Variants in IGFN1 observed in about 807,000 individuals in gnomAD.
IGFN1 encodes the protein immunoglobulin like and fibronectin type III domain containing 1, also known as immunoglobulin-like and fibronectin type III domain-containing protein 1.
In IGFN1, 253 loss-of-function variants were observed where a neutral mutation model predicts 289.5. The ratio of observed to expected loss-of-function variants is 0.87; its 90% CI spans 0.79 to 0.97. The LOEUF (loss-of-function observed/expected upper bound fraction) is 0.97. Ranked by LOEUF, IGFN1 falls within the 50% of genes least tolerant of loss-of-function variation. The probability of loss-of-function intolerance (pLI) is 0.00; values close to 1 mark genes in which losing one functional copy is unlikely to be tolerated. For missense variants in IGFN1, 4,470 were observed against 4,686.1 expected (o/e 0.95, Z 1.35); for synonymous variants, 1,706 against 1,788.5 (o/e 0.95, Z 1.16).
chr1:201,226,457 T>C (rs1033805895), intron 22 of IGFN1, among the ~76,000 whole-genome samples: 5 of 152,210 alleles, frequency 3.3e-5, no homozygotes, highest in African/African-American at 9.7e-5. Flanking sequence ...ACAAAGTGTA[T>C]ATTTTACCGC....
At position 201,216,509 on chromosome 1, in the gene IGFN1, C is replaced by T. The variant is rs141101331; in HGVS notation, c.9351C>T (p.Gly3117=). 37,970 of 1,608,328 alleles carry T rather than the reference C, an allele frequency of 0.024. 589 individuals are homozygous for T. Among genetic ancestry groups the T allele is most frequent in the South Asian group, 0.027 (2,487 of 90,746 alleles). ...PMEVQDCHRA[G]VCLRWRPPRD... The stretch of plus-strand genomic sequence containing the variant: ...AGGTTCAGGATTGCCATAGGGCTGG[C>T]GTCTGCCTCCGCTGGCGGCCCCCAA... The change falls in exon 16 of 24, where the codon GGC becomes GGT. Residue 3117 remains glycine, a synonymous_variant. Transcript: ENST00000335211.
rs1007443697 is a variant in IGFN1 at position 201,214,067 on chromosome 1, T to C, written c.8729-110T>C. ...TAGCATAGGTGCTGGGAACCAGCCCTGCTGACACCAGCCAAGCCCAGTTGG... is the reference window on the plus strand; with the variant it reads ...TAGCATAGGTGCTGGGAACCAGCCCCGCTGACACCAGCCAAGCCCAGTTGG... On this transcript the variant is annotated intron_variant, in intron 12 of 23. Coordinates refer to ENST00000335211, the MANE Select transcript of IGFN1 (RefSeq NM_001164586.2). 5.1e-6 allele frequency: 6 copies of C among 1,186,434 alleles called. No individual in the cohort carries two copies. In the African/African-American group the frequency reaches 9.2e-5, roughly 18 times the overall value. The allele number at this position is 1,186,434 out of a possible 1,614,324, so 73.5% of individuals were successfully genotyped here. A position where few individuals can be genotyped will look rare whatever the true frequency, so the allele number is the denominator to read the frequency against.
At position 201,226,149 on chromosome 1, in the gene IGFN1, C is replaced by T. The variant is rs750540315; in HGVS notation, c.10786+26C>T. 4 of 1,553,332 alleles carry T rather than the reference C, an allele frequency of 2.6e-6. No homozygotes were observed. In the South Asian group the frequency reaches 4.9e-5, roughly 19 times the overall value. On this transcript the variant is annotated intron_variant, in intron 22 of 23. Coordinates refer to ENST00000335211, the MANE Select transcript of IGFN1 (RefSeq NM_001164586.2). ...GTAAGCAGCCCCTGAGAGGGAGGAGCAGGCAGGGTGGGGGTTGCGCTCTGC... is the reference window on the plus strand; with the variant it reads ...GTAAGCAGCCCCTGAGAGGGAGGAGTAGGCAGGGTGGGGGTTGCGCTCTGC...
chr1:201,226,243 C>A, intron 22 of IGFN1, 120 bp downstream of exon 22: 2 of 1,172,988 alleles, frequency 1.7e-6, no homozygotes, highest in Non-Finnish European at 2.3e-6. Context: ...TGGCCTGGAG[C>A]ATGCCAAATA....
Position 201,207,260 on chromosome 1 carries a change from G to T in IGFN1, c.2367G>T (p.Gln789His). The change falls in exon 12 of 24, where the codon CAG becomes CAT. Residue 789 changes from glutamine (Q) to histidine (H), a missense_variant. Physicochemically the swap from Gln to His is conservative, Grantham distance 24. This residue lies in a region of IGFN1 where 2,011 missense variants were observed against 1,953.4 expected (regional missense o/e 1.03). Coordinates refer to ENST00000335211, the MANE Select transcript of IGFN1 (RefSeq NM_001164586.2). ...CCAGAGGCTGCGAAGGTGTCCTACA[G>T]GAGCTCAGGGGAAGGGATGGCCAGG... ...GDPRGCEGVL[Q>H]ELRGRDGQET... The T allele has an allele frequency of 6.5e-7, 1 of 1,536,788 alleles. No homozygotes were observed. The highest frequency in any genetic ancestry group is 8.7e-7 in the Non-Finnish European group (1 of 1,146,880).
intron 23 of IGFN1, 100 bp downstream of exon 23, chr1:201,227,308 C>T (rs949491500): frequency 2.4e-5 from 22 of 921,206 alleles, no homozygotes; most frequent in Middle Eastern, 3.4e-4. Context: ...GGGATTCAGC[C>T]GGGAGTCAGG....
At chr1:201,198,293 G>A (rs573063541) in intron 5 of IGFN1, among the ~76,000 whole-genome samples, 25 of 152,158 alleles carry the variant, frequency 1.6e-4, no homozygotes, top group Admixed American at 1.4e-3. Flanking sequence ...TTACCACCAT[G>A]CCTGGCTAAT....
Position 201,208,487 on chromosome 1 carries a change from C to G in IGFN1, c.3594C>G (p.Ala1198=), listed in dbSNP as rs1482907119. The change falls in exon 12 of 24, where the codon GCC becomes GCG. Residue 1198 remains alanine, a synonymous_variant. Transcript: ENST00000335211. ...HPESLAPHNG[A]ASGSQWAYGA... ...AGTCACTCGCACCTCACAATGGGGC[C>G]GCTTCTGGGAGCCAGTGGGCTTATG... The G allele has an allele frequency of 6.9e-7, 1 of 1,446,838 alleles. No individual in the cohort carries two copies. Among genetic ancestry groups the G allele is most frequent in the Non-Finnish European group, 9.0e-7 (1 of 1,107,158 alleles). The allele number at this position is 1,446,838 out of a possible 1,614,324, so 89.6% of individuals were successfully genotyped here.
intron 3 of IGFN1, 120 bp from the exon 4 acceptor site, chr1:201,195,719 T>G: frequency 8.9e-7 from 1 of 1,118,378 alleles, no homozygotes; most frequent in Non-Finnish European, 1.2e-6. Flanking sequence ...TGGCATCCTT[T>G]TTGGAAGGGG....
At position 201,211,477 on chromosome 1, in the gene IGFN1, G is replaced by T. The variant is rs1280668630; in HGVS notation, c.6584G>T (p.Gly2195Val). 2 of 1,497,822 alleles carry T rather than the reference G, an allele frequency of 1.3e-6. No individual in the cohort carries two copies. Among genetic ancestry groups the T allele is most frequent in the Admixed American group, 2.1e-5 (1 of 48,578 alleles). 92.8% of individuals were successfully genotyped at this position (1,497,822 alleles called of 1,614,324 possible). A position where few individuals can be genotyped will look rare whatever the true frequency, so the allele number is the denominator to read the frequency against. ...GGAATGGGTTCAGGGAGTAAGGCAG[G>T]TTTCAGGGATGGTTTAGGGGGTTCT... ...PEGMGSGSKA[G>V]FRDGLGGSEE... The change falls in exon 12 of 24, where the codon GGT becomes GTT. Residue 2195 changes from glycine (G) to valine (V), a missense_variant. Physicochemically the swap from Gly to Val is moderately radical, Grantham distance 109. This residue lies in a region of IGFN1 where 2,218 missense variants were observed against 2,114.1 expected (regional missense o/e 1.05). Transcript: ENST00000335211.
chr1:201,197,655 C>G (rs1666976944), intron 5 of IGFN1, among the ~76,000 whole-genome samples: 1 of 152,208 alleles, frequency 6.6e-6, no homozygotes, highest in African/African-American at 2.4e-5. Context: ...GTTTCTCCAC[C>G]ATGCAAAGGA....
chr1:201,195,831 T>C lies in IGFN1; in HGVS notation c.128-8T>C. 2 of 1,551,032 alleles carry C rather than the reference T, an allele frequency of 1.3e-6. No homozygotes were observed. The highest frequency in any genetic ancestry group is 2.4e-5 in the East Asian group (1 of 40,904). ...GTCAGTCTCCCTACTCGTCTCTTCC[T>C]GCTGCAGGGAAAAATGCTGTCTTTC... is the stretch of plus-strand genomic sequence containing the variant. On this transcript the variant is annotated splice_polypyrimidine_tract_variant and splice_region_variant and intron_variant, in intron 3 of 23. Transcript: ENST00000335211.
chr1:201,217,241 C>A, intron 16 of IGFN1, 46 bp from the exon 17 acceptor site: 2 of 1,582,438 alleles, frequency 1.3e-6, no homozygotes, highest in Non-Finnish European at 1.7e-6. Context: ...CATGAGCCGG[C>A]ACCTTTCCCA....
rs754077329 is a variant in IGFN1, at chr1:201,207,801, G to A, written c.2908G>A (p.Gly970Arg). ...GYSREISSKS[G>R]AGYSYGSGVP... ...TTCTAGGGAAATAAGCTCTAAAAGC[G>A]GGGCTGGTTATAGCTATGGCTCAGG... The change falls in exon 12 of 24, where the codon GGG becomes AGG. Residue 970 changes from glycine to arginine, a missense_variant. Gly to Arg is a moderately radical substitution (Grantham distance 125, BLOSUM62 -2). Transcript: ENST00000335211. 1.2e-4 allele frequency: 177 copies of A among 1,536,158 alleles called. 1 individual carries two copies. Among genetic ancestry groups the A allele is most frequent in the African/African-American group, 8.2e-4 (60 of 73,044 alleles).
chr1:201,223,378 T>TTATTTATG, intron 20 of IGFN1, among the ~76,000 whole-genome samples: 1 of 151,596 alleles, frequency 6.6e-6, no homozygotes, highest in Non-Finnish European at 1.5e-5. Context: ...ATTTATTTAT[T>TTATTTATG]TATTTATTTT....
chr1:201,227,296 G>A (rs1484046562), intron 23 of IGFN1, 88 bp downstream of exon 23: 4 of 1,048,906 alleles, frequency 3.8e-6, no homozygotes, highest in East Asian at 2.6e-5. Context: ...GGGGTGCCTA[G>A]AGGGATTCAG....
At chr1:201,214,559 C>T (rs976954836) in intron 13 of IGFN1, among the ~76,000 whole-genome samples, 1 of 152,132 alleles carries the variant, frequency 6.6e-6, no homozygotes, top group Non-Finnish European at 1.5e-5. Context: ...ATACCCATAC[C>T]TGCTGAATCC....
rs747491326 is a variant in IGFN1 at position 201,212,828 on chromosome 1, C to T, written c.7935C>T (p.Pro2645=). The change falls in exon 12 of 24, where the codon CCC becomes CCT. Residue 2645 remains proline, a synonymous_variant. Transcript: ENST00000335211. ...SQGSIDAGKQ[P]AGSRASGSLQ... ...GCAGCATAGATGCTGGGAAGCAGCC[C>T]GCAGGCTCCAGAGCTTCCGGTTCTC... 9.7e-6 allele frequency: 15 copies of T among 1,551,158 alleles called. No individual in the cohort carries two copies. The highest frequency in any genetic ancestry group is 4.8e-5 in the South Asian group (4 of 84,054).
intron 17 of IGFN1, among the ~76,000 whole-genome samples, 176 bp from the exon 18 acceptor site, chr1:201,218,354 C>G (rs1353799745): frequency 6.6e-6 from 1 of 152,218 alleles, no homozygotes; most frequent in Non-Finnish European, 1.5e-5. Flanking sequence ...GCTCCTGACG[C>G]CCTGAGCAGT....
Sources: allele counts gnomAD v4.1 joint callset (sites outside exome capture counted in the v4.1 genomes callset), GRCh38; gene constraint gnomAD v4.1.1; regional missense constraint gnomAD v4.1.1; transcripts MANE v1.5; gene names NCBI Gene and HGNC (gene_info 2026-07-23, HGNC 2026-07-21).